The following CNTN5 variants were observed in gnomAD, a reference collection of about 807,000 sequenced individuals.
CNTN5 encodes contactin-5.
A neutral mutation model predicts 129.1 loss-of-function variants in CNTN5; 77 were observed. That is an observed-to-expected ratio of 0.60 (90% CI 0.50 to 0.72). The LOEUF (loss-of-function observed/expected upper bound fraction) is 0.72, where lower values mean the gene tolerates loss of function less well. Among genes scored for constraint, CNTN5 ranks in the 30% least tolerant of loss-of-function variants. The pLI, the probability that CNTN5 is intolerant of heterozygous loss-of-function variation, is 0.00. For missense variants in CNTN5, 1,478 were observed against 1,328.8 expected, an observed-to-expected ratio of 1.11 and a Z score of -1.75; for synonymous variants, 509 against 465.6, an observed-to-expected ratio of 1.09 and a Z score of -1.20.
At chr11:99,073,761 A>T (rs974635333) in intron 1 of CNTN5, among the ~76,000 whole-genome samples, 2 of 152,094 alleles carry the variant, frequency 1.3e-5, no homozygotes, top group East Asian at 1.9e-4. Context: ...ATTCCATGGT[A>T]TATATGTGCC....
intron 18 of CNTN5, among the ~76,000 whole-genome samples, chr11:100,282,953 G>T (rs4329658): frequency 0.73 from 111,522 of 151,964 alleles, 42,378 homozygotes; most frequent in South Asian, 0.9. Context: ...TTGGCGAATG[G>T]TGCCTGGCCT....
chr11:99,555,768 A>C (rs1948644433), intron 2 of CNTN5, among the ~76,000 whole-genome samples: 1 of 151,922 alleles, frequency 6.6e-6, no homozygotes, highest in African/African-American at 2.4e-5. Flanking sequence ...AAAGGAGTAT[A>C]TATTAATGTA....
intron 18 of CNTN5, among the ~76,000 whole-genome samples, chr11:100,289,819 T>C (rs1248485676): frequency 6.7e-6 from 1 of 150,168 alleles, no homozygotes; most frequent in African/African-American, 2.5e-5. Context: ...GAAGTCAAAT[T>C]GTCCCTGTTT....
intron 13 of CNTN5, among the ~76,000 whole-genome samples, chr11:100,153,009 CA>C (rs950155843): frequency 3.3e-5 from 5 of 151,604 alleles, no homozygotes; most frequent in Admixed American, 2.6e-4. Context: ...GGCTTAACCA[CA>C]AAAAAAGTAT....
chr11:100,019,834 G>C (rs981581005), intron 9 of CNTN5, among the ~76,000 whole-genome samples: 1 of 151,744 alleles, frequency 6.6e-6, no homozygotes, highest in Non-Finnish European at 1.5e-5. Context: ...TTTTCTCCAC[G>C]TCCTCGCCAA....
At chr11:100,085,505 C>A (rs1317502463) in intron 13 of CNTN5, among the ~76,000 whole-genome samples, 1 of 151,956 alleles carries the variant, frequency 6.6e-6, no homozygotes, top group East Asian at 1.9e-4. Flanking sequence ...TATGCCAGTT[C>A]ATACCAAGAT....
At chr11:99,902,383 T>G (rs1046079126) in intron 6 of CNTN5, among the ~76,000 whole-genome samples, 2 of 152,122 alleles carry the variant, frequency 1.3e-5, no homozygotes, top group African/African-American at 4.8e-5. Flanking sequence ...AAGTATTTAC[T>G]AAGTGACCCT....
rs114146800 is a variant in CNTN5 at position 99,844,639 on chromosome 11, T to C, written c.278-213T>C. On this transcript the variant is annotated intron_variant, in intron 4 of 24. Coordinates refer to ENST00000524871, the MANE Select transcript of CNTN5 (RefSeq NM_014361.4). ...GTTTGTTTTTTATGTATTACACGTT[T>C]AACAGCATTTTTAGTTGATTAAAAA... The C allele has an allele frequency of 2.6e-3, 1,405 of 545,282 alleles. 21 individuals are homozygous for C. The highest frequency in any genetic ancestry group is 0.022 in the African/African-American group (1,156 of 51,708). The allele number at this position is 545,282 out of a possible 1,614,324, so 33.8% of individuals were successfully genotyped here. A position where few individuals can be genotyped will look rare whatever the true frequency, so the allele number is the denominator to read the frequency against.
chr11:99,314,833 G>A (rs992714327), intron 1 of CNTN5, among the ~76,000 whole-genome samples: 1 of 148,914 alleles, frequency 6.7e-6, no homozygotes, highest in African/African-American at 2.4e-5. Context: ...CTAGTAGGAT[G>A]TGAAAAAGAT....
At chr11:100,123,219 A>G (rs1421561) in intron 13 of CNTN5, among the ~76,000 whole-genome samples, 118,171 of 151,972 alleles carry the variant, frequency 0.78, 46,515 homozygotes, top group East Asian at 1. Flanking sequence ...GTGAAATAGT[A>G]TAAATAAATC....
intron 3 of CNTN5, among the ~76,000 whole-genome samples, chr11:99,725,377 A>G (rs1219257066): frequency 6.6e-6 from 1 of 152,014 alleles, no homozygotes; most frequent in Non-Finnish European, 1.5e-5. Context: ...CTATGAAGAT[A>G]CTATTTTTAA....
At chr11:99,539,782 T>C (rs1948034558) in intron 2 of CNTN5, among the ~76,000 whole-genome samples, 2 of 152,128 alleles carry the variant, frequency 1.3e-5, no homozygotes, top group African/African-American at 4.8e-5. Flanking sequence ...TTAAAAAGTT[T>C]TAAAGTGTTG....
intron 13 of CNTN5, among the ~76,000 whole-genome samples, chr11:100,105,364 T>C (rs1945389439): frequency 6.6e-6 from 1 of 152,060 alleles, no homozygotes; most frequent in Admixed American, 6.6e-5. Flanking sequence ...TCTGTGTGGA[T>C]AGAGGGATCT....
At chr11:99,294,487 C>T (rs1433776354) in intron 1 of CNTN5, among the ~76,000 whole-genome samples, 2 of 152,122 alleles carry the variant, frequency 1.3e-5, no homozygotes, top group Non-Finnish European at 2.9e-5. Flanking sequence ...ATAATAAAAC[C>T]AGTAATATAC....
At chr11:99,890,682 A>G (rs1448076423) in intron 6 of CNTN5, among the ~76,000 whole-genome samples, 2 of 152,166 alleles carry the variant, frequency 1.3e-5, no homozygotes, top group East Asian at 3.9e-4. Context: ...CATGGAGACA[A>G]AAACCAAACC....
chr11:99,393,341 G>T (rs1483562313), intron 2 of CNTN5, among the ~76,000 whole-genome samples: 1 of 151,846 alleles, frequency 6.6e-6, no homozygotes, highest in African/African-American at 2.4e-5. Context: ...CAGTAGGTTG[G>T]TGGTAAATTA....
intron 6 of CNTN5, among the ~76,000 whole-genome samples, chr11:99,888,994 T>TA (rs11431754): frequency 6.6e-6 from 1 of 151,644 alleles, no homozygotes; most frequent in Non-Finnish European, 1.5e-5. Flanking sequence ...GAGGGTTCAG[T>TA]TATTTAATTT....
intron 3 of CNTN5, among the ~76,000 whole-genome samples, chr11:99,710,571 G>GCA (rs879699860): frequency 0.1 from 5,590 of 54,566 alleles, 86 homozygotes; most frequent in East Asian, 0.18. Flanking sequence ...GTGTGCATGT[G>GCA]TGTGTGTGTG....
At chr11:99,854,507 T>A (rs1247998367) in intron 6 of CNTN5, among the ~76,000 whole-genome samples, 1 of 152,146 alleles carries the variant, frequency 6.6e-6, no homozygotes, top group Non-Finnish European at 1.5e-5. Flanking sequence ...AACGAGAATT[T>A]GTAAGTGAAT....
Sources: allele counts gnomAD v4.1 joint callset (sites outside exome capture counted in the v4.1 genomes callset), GRCh38; gene constraint gnomAD v4.1.1; transcripts MANE v1.5; gene names NCBI Gene and HGNC (gene_info 2026-07-23, HGNC 2026-07-21).